Variants in AKAP6 observed in about 807,000 individuals in gnomAD.
The protein encoded by AKAP6 is A-kinase anchor protein 6.
AKAP6 carries 58 observed loss-of-function variants against 188.5 expected under a neutral mutation model. That is an observed-to-expected ratio of 0.31 (90% CI 0.25 to 0.38). The LOEUF is 0.38. AKAP6 is among the 10% of genes least tolerant of loss of function. The pLI, the probability that AKAP6 is intolerant of heterozygous loss-of-function variation, is 1.00. For synonymous variants in AKAP6, 989 were observed against 998.6 expected (o/e 0.99, Z 0.18); for missense variants, 2,710 against 2,740.0 (o/e 0.99, Z 0.24).
At chr14:32,578,895 T>G (rs1884846250) in intron 5 of AKAP6, among the ~76,000 whole-genome samples, 1 of 152,070 alleles carries the variant, frequency 6.6e-6, no homozygotes, top group Non-Finnish European at 1.5e-5. Context: ...AATACAGTAT[T>G]ACAGGGTTTC....
rs2034575174 is a variant in AKAP6 at position 32,823,057 on chromosome 14, T to C, written c.5244T>C (p.Asp1748=). The C allele has an allele frequency of 6.2e-7, 1 of 1,613,696 alleles. No individual in the cohort carries two copies. Among genetic ancestry groups the C allele is most frequent in the African/African-American group, 1.3e-5 (1 of 74,842 alleles). ...VNVSCTSACT[D]DEDDSDLLSS... ...TCTCTTGCACCTCTGCTTGCACTGA[T>C]GATGAAGATGACAGCGACCTGCTCT... The change falls in exon 13 of 14, where the codon GAT becomes GAC. Residue 1748 remains aspartate, a synonymous_variant. Transcript: ENST00000280979.
chr14:32,669,447 T>C (rs1310518701), intron 7 of AKAP6, among the ~76,000 whole-genome samples: 1 of 152,132 alleles, frequency 6.6e-6, no homozygotes, highest in African/African-American at 2.4e-5. Flanking sequence ...GAAGTGCACT[T>C]AGAATAAGGT....
chr14:32,356,385 T>C (rs1463231747), intron 1 of AKAP6, among the ~76,000 whole-genome samples: 1 of 152,152 alleles, frequency 6.6e-6, no homozygotes, highest in African/African-American at 2.4e-5. Flanking sequence ...CCTCTGTTTG[T>C]CTCACAGGCA....
intron 7 of AKAP6, among the ~76,000 whole-genome samples, chr14:32,645,517 C>T (rs768631274): frequency 5.9e-5 from 9 of 152,156 alleles, no homozygotes; most frequent in Non-Finnish European, 1.2e-4. Context: ...CCTGGGCTCA[C>T]GTGATCCTCC....
chr14:32,551,618 A>T (rs1883468493), intron 4 of AKAP6, among the ~76,000 whole-genome samples: 1 of 148,136 alleles, frequency 6.8e-6, no homozygotes, highest in Non-Finnish European at 1.5e-5. Context: ...TCTTTCTTTT[A>T]CAGATCTCAC....
In AKAP6 at chr14:32,492,355, T is replaced by TATAGAGAGAG; in HGVS notation, c.325-43198_325-43197insTAGAGAGAGA. On this transcript the variant is annotated intron_variant, in intron 2 of 13. Transcript: ENST00000280979. Reference sequence around the variant, plus strand: ...ACATTGTAATATATATATATATATATAGAGAGAGAGAGAGAGAGAGAGAGA... The same window carrying TATAGAGAGAG: ...ACATTGTAATATATATATATATATATATAGAGAGAGAGAGAGAGAGAGAGAGAGAGAGAGA... Among the ~76,000 whole-genome samples the TATAGAGAGAG allele has an allele frequency of 9.7e-3, 804 of 82,576 alleles. 17 individuals carry two copies. The highest frequency in any genetic ancestry group is 0.026 in the African/African-American group (776 of 30,214). 54.2% of individuals were successfully genotyped at this position (82,576 alleles called of 152,430 possible). A position where few individuals can be genotyped will look rare whatever the true frequency, so the allele number is the denominator to read the frequency against.
intron 2 of AKAP6, among the ~76,000 whole-genome samples, chr14:32,435,183 C>T (rs902783432): frequency 1.3e-5 from 2 of 152,186 alleles, no homozygotes; most frequent in African/African-American, 4.8e-5. Context: ...TTCTCTGTCC[C>T]CTCCAAGGCT....
intron 1 of AKAP6, among the ~76,000 whole-genome samples, chr14:32,360,733 G>GTGTGTC (rs1887629527): frequency 6.6e-6 from 1 of 151,046 alleles, no homozygotes; most frequent in Non-Finnish European, 1.5e-5. Context: ...GTGTGTGTGT[G>GTGTGTC]TGTGTGTGTG....
intron 12 of AKAP6, among the ~76,000 whole-genome samples, chr14:32,793,353 G>GA (rs1264147548): frequency 6.6e-6 from 1 of 151,814 alleles, no homozygotes; most frequent in Admixed American, 6.6e-5. Context: ...ATGGAAAACA[G>GA]AAAAAATCAG....
chr14:32,603,621 G>A (rs1225900034), intron 7 of AKAP6, among the ~76,000 whole-genome samples: 5 of 152,194 alleles, frequency 3.3e-5, no homozygotes, highest in African/African-American at 1.2e-4. Context: ...GCACCAAGAA[G>A]ACCCTTTTCC....
At chr14:32,421,623 G>T (rs8014960) in intron 1 of AKAP6, among the ~76,000 whole-genome samples, 8,515 of 151,914 alleles carry the variant, frequency 0.056, 681 homozygotes, top group African/African-American at 0.18. Context: ...TTTGTTGCTT[G>T]CTGTGACTCT....
rs149714455 is a variant in AKAP6, at chr14:32,610,622, G to T, written c.2730+9830G>T. On this transcript the variant is annotated intron_variant, in intron 7 of 13. Coordinates refer to ENST00000280979, the MANE Select transcript of AKAP6 (RefSeq NM_004274.5). Reference sequence around the variant, plus strand: ...GAGGGAACGTTATTTCAATCTGATGGGCCCTGGGAAGGCCTAAGAGAAGAT... The same window carrying T: ...GAGGGAACGTTATTTCAATCTGATGTGCCCTGGGAAGGCCTAAGAGAAGAT... 2.4e-3 allele frequency among the ~76,000 whole-genome samples: 370 copies of T among 152,230 alleles called. 1 individual carries two copies. The highest frequency in any genetic ancestry group is 8.4e-3 in the African/African-American group (348 of 41,550).
At chr14:32,661,088 G>C (rs952555958) in intron 7 of AKAP6, among the ~76,000 whole-genome samples, 2 of 151,772 alleles carry the variant, frequency 1.3e-5, no homozygotes, top group African/African-American at 4.8e-5. Flanking sequence ...TAGAGAAATA[G>C]TGACAAATAG....
At chr14:32,496,526 G>A (rs772469689) in intron 2 of AKAP6, among the ~76,000 whole-genome samples, 6 of 151,670 alleles carry the variant, frequency 4.0e-5, no homozygotes, top group East Asian at 1.9e-4. Flanking sequence ...TTGTGCCTTC[G>A]GTGGAGAAAG....
At chr14:32,489,747 A>C (rs4981974) in intron 2 of AKAP6, among the ~76,000 whole-genome samples, 102,259 of 152,130 alleles carry the variant, frequency 0.67, 35,858 homozygotes, top group East Asian at 0.89. Context: ...TACAGTCTTA[A>C]TGCCCATGTA....
At chr14:32,415,904 T>C (rs1454816478) in intron 1 of AKAP6, among the ~76,000 whole-genome samples, 21 of 152,214 alleles carry the variant, frequency 1.4e-4, no homozygotes. Context: ...CTGTCGTATG[T>C]ATATACCAGA....
intron 9 of AKAP6, among the ~76,000 whole-genome samples, chr14:32,706,518 A>T (rs148402730): frequency 6.6e-6 from 1 of 152,126 alleles, no homozygotes; most frequent in South Asian, 2.1e-4. Context: ...GGATCCCGTT[A>T]TGCCAAAGGA....
intron 7 of AKAP6, among the ~76,000 whole-genome samples, chr14:32,638,167 G>T (rs1331109927): frequency 1.4e-5 from 2 of 142,122 alleles, no homozygotes; most frequent in Middle Eastern, 3.4e-3. Context: ...GGGCTAGTGG[G>T]GATGTCAAGG....
At chr14:32,563,215 G>A (rs1884030788) in intron 4 of AKAP6, among the ~76,000 whole-genome samples, 1 of 152,194 alleles carries the variant, frequency 6.6e-6, no homozygotes, top group South Asian at 2.1e-4. Flanking sequence ...GAAGCATGGT[G>A]ACTATGAATG....
Sources: gnomAD v4.1 joint callset for allele counts (sites outside exome capture counted in the v4.1 genomes callset) on GRCh38, gnomAD v4.1.1 for gene constraint, MANE v1.5 for transcripts, NCBI Gene and HGNC (gene_info 2026-07-23, HGNC 2026-07-21) for gene names.